The following BMPER variants were observed in gnomAD, a reference collection of about 807,000 sequenced individuals.
BMPER encodes BMP-binding endothelial regulator protein.
BMPER carries 45 observed loss-of-function variants against 87.3 expected under a neutral mutation model. That is an observed-to-expected ratio of 0.52 (90% CI 0.41 to 0.66). The LOEUF (loss-of-function observed/expected upper bound fraction) is 0.66, where lower values mean the gene tolerates loss of function less well. Among genes scored for constraint, BMPER ranks in the 30% least tolerant of loss-of-function variants. The pLI is 0.00. For synonymous variants in BMPER, 326 were observed against 316.2 expected (o/e 1.03, Z -0.33); for missense variants, 784 against 867.5 (o/e 0.90, Z 1.21).
At chr7:33,986,016 CAGTT>C (rs924552770) in intron 6 of BMPER, among the ~76,000 whole-genome samples, 37 of 152,320 alleles carry the variant, frequency 2.4e-4, no homozygotes, top group Middle Eastern at 3.4e-3. Flanking sequence ...TCAGCATTGT[CAGTT>C]CCCACATTTA....
At chr7:34,082,895 C>T (rs1789092310) in intron 12 of BMPER, among the ~76,000 whole-genome samples, 1 of 152,160 alleles carries the variant, frequency 6.6e-6, no homozygotes, top group South Asian at 2.1e-4. Flanking sequence ...CATGGAAAAT[C>T]TTCAGAATTA....
chr7:34,123,817 T>A (rs1326925014), intron 13 of BMPER, among the ~76,000 whole-genome samples: 2 of 152,228 alleles, frequency 1.3e-5, no homozygotes, highest in East Asian at 3.8e-4. Flanking sequence ...AATTTTCAGC[T>A]AATTAGGATC....
chr7:34,130,376 A>G (rs1790552390), intron 13 of BMPER, among the ~76,000 whole-genome samples: 1 of 152,118 alleles, frequency 6.6e-6, no homozygotes, highest in African/African-American at 2.4e-5. Context: ...TGCTAAGACC[A>G]CCACTGACCT....
chr7:34,055,014 G>A (rs773450315), intron 8 of BMPER, 149 bp from the exon 9 acceptor site: 49 of 1,169,956 alleles, frequency 4.2e-5, no homozygotes, highest in Non-Finnish European at 5.9e-5. Context: ...ACAATTTGAA[G>A]TGAATGAAAG....
At chr7:34,051,124 C>T (rs944614224) in intron 7 of BMPER, among the ~76,000 whole-genome samples, 2 of 152,098 alleles carry the variant, frequency 1.3e-5, no homozygotes, top group African/African-American at 4.8e-5. Flanking sequence ...GTTGTCACGT[C>T]GTGGTGAGGG....
chr7:33,993,867 G>A (rs10261825), intron 6 of BMPER, among the ~76,000 whole-genome samples: 19,297 of 152,102 alleles, frequency 0.13, 1,680 homozygotes, highest in Admixed American at 0.23. Flanking sequence ...AGGTCTGTTG[G>A]AGTACCATGC....
intron 13 of BMPER, among the ~76,000 whole-genome samples, chr7:34,129,639 A>AGAAAGAAAGAAAGAAAGAAAGAAG (rs1790520878): frequency 6.7e-6 from 1 of 149,888 alleles, no homozygotes; most frequent in Non-Finnish European, 1.5e-5. Context: ...AGAGAAAGAA[A>AGAAAGAAAGAAAGAAAGAAAGAAG]GAAAGAAAGA....
chr7:34,052,121 A>C, intron 8 of BMPER, 151 bp downstream of exon 8: 1 of 768,490 alleles, frequency 1.3e-6, no homozygotes, highest in Admixed American at 2.0e-5. Flanking sequence ...ACTCAAGGTC[A>C]CCAAGGACTT....
intron 6 of BMPER, among the ~76,000 whole-genome samples, chr7:34,032,665 C>T (rs948949624): frequency 1.3e-5 from 2 of 152,082 alleles, no homozygotes; most frequent in Admixed American, 1.3e-4. Flanking sequence ...ATATTTTTAC[C>T]ATGAACAATT....
chr7:34,045,676 C>A (rs1417152206), intron 6 of BMPER, among the ~76,000 whole-genome samples: 1 of 152,140 alleles, frequency 6.6e-6, no homozygotes, highest in Non-Finnish European at 1.5e-5. Flanking sequence ...TGAAATAGTT[C>A]TTCTGAATAT....
At chr7:34,083,347 C>G (rs1177154715) in intron 12 of BMPER, among the ~76,000 whole-genome samples, 5 of 152,162 alleles carry the variant, frequency 3.3e-5, no homozygotes, top group Non-Finnish European at 2.9e-5. Context: ...TCACTGTCTT[C>G]TCCTTATCAA....
At chr7:34,046,936 T>TC (rs1787988628) in intron 7 of BMPER, among the ~76,000 whole-genome samples, 1 of 151,838 alleles carries the variant, frequency 6.6e-6, no homozygotes, top group Non-Finnish European at 1.5e-5. Context: ...ATTTTTTTTT[T>TC]TTTCTCATTT....
At chr7:34,003,416 C>G (rs551658397) in intron 6 of BMPER, among the ~76,000 whole-genome samples, 10 of 151,988 alleles carry the variant, frequency 6.6e-5, no homozygotes, top group African/African-American at 9.6e-5. Flanking sequence ...AAATCGCACT[C>G]TATGTATTAT....
At chr7:33,964,608 C>G (rs1261221064) in intron 3 of BMPER, among the ~76,000 whole-genome samples, 2 of 152,124 alleles carry the variant, frequency 1.3e-5, no homozygotes, top group Admixed American at 1.3e-4. Context: ...ATTCCAATAC[C>G]TTTTATCCCA....
intron 13 of BMPER, among the ~76,000 whole-genome samples, chr7:34,107,615 T>C (rs775468148): frequency 6.6e-6 from 1 of 152,234 alleles, no homozygotes; most frequent in Non-Finnish European, 1.5e-5. Flanking sequence ...CCAGGTGTTT[T>C]TCTCCTCTCT....
intron 1 of BMPER, 93 bp from the exon 2 acceptor site, chr7:33,906,725 G>T: frequency 8.8e-7 from 1 of 1,132,450 alleles, no homozygotes; most frequent in Non-Finnish European, 1.3e-6. Flanking sequence ...TTTGGGTAGA[G>T]GTTTCAAAAA....
At chr7:34,057,931 AT>A (rs1788327176) in intron 9 of BMPER, 127 bp from the exon 10 acceptor site, 3 of 759,758 alleles carry the variant, frequency 3.9e-6, no homozygotes, top group Admixed American at 4.0e-5. Context: ...CACCTGAGTC[AT>A]TTAGTCTAAT....
At chr7:34,024,390 T>C (rs56110632) in intron 6 of BMPER, among the ~76,000 whole-genome samples, 11 of 6,510 alleles carry the variant, frequency 1.7e-3, no homozygotes, top group Middle Eastern at 0.33. Flanking sequence ...AAACAATATA[T>C]ATATATATAT....
At chr7:33,929,812 A>G (rs953277750) in intron 2 of BMPER, among the ~76,000 whole-genome samples, 6 of 152,178 alleles carry the variant, frequency 3.9e-5, no homozygotes, top group Non-Finnish European at 4.4e-5. Context: ...TACACAAAAC[A>G]TTTTCAGCAT....
Sources: gnomAD v4.1 joint callset for allele counts (sites outside exome capture counted in the v4.1 genomes callset) on GRCh38, gnomAD v4.1.1 for gene constraint, MANE v1.5 for transcripts, NCBI Gene and HGNC (gene_info 2026-07-23, HGNC 2026-07-21) for gene names.